MYT1L: variants seen among roughly 807,000 people sequenced by gnomAD.
MYT1L encodes myelin transcription factor 1-like protein.
MYT1L carries 12 observed loss-of-function variants against 126.7 expected under a neutral mutation model. The observed-to-expected ratio is 0.09, with a 90% CI of 0.06 to 0.15. MYT1L has a LOEUF of 0.15. Among genes scored for constraint, MYT1L ranks in the 10% least tolerant of loss-of-function variants. The pLI is 1.00. For missense variants in MYT1L, 979 were observed against 1,585.2 expected (o/e 0.62, Z 6.49); for synonymous variants, 541 against 604.2 (o/e 0.90, Z 1.53).
intron 3 of MYT1L, among the ~76,000 whole-genome samples, chr2:2,060,281 T>C (rs1003661647): frequency 7.9e-5 from 12 of 152,188 alleles, no homozygotes; most frequent in African/African-American, 2.9e-4. Flanking sequence ...ACAAACTCAG[T>C]TGTAGATCAA....
At chr2:2,242,789 A>G (rs2094463544) in intron 2 of MYT1L, among the ~76,000 whole-genome samples, 1 of 152,224 alleles carries the variant, frequency 6.6e-6, no homozygotes, top group Non-Finnish European at 1.5e-5. Context: ...GAAGTCGAAT[A>G]TGGCTAAGGA....
intron 3 of MYT1L, among the ~76,000 whole-genome samples, chr2:2,103,727 T>C (rs1433421391): frequency 6.6e-6 from 1 of 152,210 alleles, no homozygotes; most frequent in Non-Finnish European, 1.5e-5. Flanking sequence ...CTTTTCTCAC[T>C]TATGCCCTGG....
intron 18 of MYT1L, among the ~76,000 whole-genome samples, chr2:1,859,922 C>G (rs2044368919): frequency 6.6e-6 from 1 of 152,330 alleles, no homozygotes; most frequent in African/African-American, 2.4e-5. Context: ...GGCTTGTTTT[C>G]TGGGGATTCT....
At chr2:1,843,385 A>G (rs1217130196) in intron 19 of MYT1L, among the ~76,000 whole-genome samples, 1 of 152,194 alleles carries the variant, frequency 6.6e-6, no homozygotes, top group Non-Finnish European at 1.5e-5. Flanking sequence ...AAGAGGAACC[A>G]AGGGGGGAAT....
Position 1,923,077 on chromosome 2 carries a change from T to C in MYT1L, c.692A>G (p.Asn231Ser), listed in dbSNP as rs762676036. 4 of 1,614,046 alleles carry C rather than the reference T, an allele frequency of 2.5e-6. No individual in the cohort carries two copies. The highest frequency in any genetic ancestry group is 2.2e-5 in the East Asian group (1 of 44,882). ...TESEMNSNTS[N>S]SLEDDSDKNE... is the part of the protein sequence containing the mutation. ...TTTGTCACTATCGTCTTCCAGACTA[T>C]TGGAGGTATTGCTGTTCATTTCTGA... The change falls in exon 10 of 25, where the codon AAT becomes AGT. Residue 231 changes from asparagine to serine, a missense_variant. Asn to Ser is a conservative substitution (Grantham distance 46). This residue lies in a region of MYT1L where 243 missense variants were observed against 363.9 expected (regional missense o/e 0.67). Transcript: ENST00000647738.
intron 1 of MYT1L, among the ~76,000 whole-genome samples, chr2:2,301,152 G>T (rs1165362843): frequency 3.9e-5 from 6 of 152,090 alleles, no homozygotes; most frequent in Admixed American, 1.3e-4. Context: ...TTCGCTCCGT[G>T]CCAGCCTTGC....
chr2:1,977,611 T>C (rs2060284798), intron 8 of MYT1L, among the ~76,000 whole-genome samples: 1 of 152,210 alleles, frequency 6.6e-6, no homozygotes, highest in Admixed American at 6.5e-5. Context: ...TTATTTCACA[T>C]TGTATGCCTG....
chr2:2,048,284 GA>G (rs1363945552), intron 4 of MYT1L, among the ~76,000 whole-genome samples: 1 of 152,204 alleles, frequency 6.6e-6, no homozygotes, highest in African/African-American at 2.4e-5. Context: ...GATGAGGTCA[GA>G]AACTGATACC....
intron 4 of MYT1L, among the ~76,000 whole-genome samples, chr2:2,009,027 G>A (rs1178069185): frequency 1.3e-5 from 2 of 151,804 alleles, no homozygotes; most frequent in Non-Finnish European, 2.9e-5. Context: ...TCTTTGTTCT[G>A]TTCCACGGGT....
At chr2:2,130,310 T>C (rs2082213133) in intron 3 of MYT1L, among the ~76,000 whole-genome samples, 3 of 149,942 alleles carry the variant, frequency 2.0e-5, no homozygotes, top group Admixed American at 1.3e-4. Context: ...ACTCCAAAGA[T>C]TGATCACATC....
At chr2:2,220,289 T>TA (rs2093819360) in intron 2 of MYT1L, among the ~76,000 whole-genome samples, 1 of 152,104 alleles carries the variant, frequency 6.6e-6, no homozygotes, top group South Asian at 2.1e-4. Flanking sequence ...AAAACATTGA[T>TA]ATGGTTCAGA....
chr2:2,017,583 C>T (rs560505694), intron 4 of MYT1L, among the ~76,000 whole-genome samples: 3 of 152,348 alleles, frequency 2.0e-5, no homozygotes, highest in Admixed American at 1.3e-4. Context: ...ATAGACACAA[C>T]TCTTTCATCC....
intron 9 of MYT1L, among the ~76,000 whole-genome samples, chr2:1,935,599 C>T (rs1014295743): frequency 4.6e-5 from 7 of 152,192 alleles, no homozygotes; most frequent in East Asian, 1.9e-4. Context: ...AATAAGACAG[C>T]GAAGTGAAGG....
chr2:2,282,193 G>A (rs573152391), intron 2 of MYT1L, among the ~76,000 whole-genome samples: 1 of 152,308 alleles, frequency 6.6e-6, no homozygotes, highest in African/African-American at 2.4e-5. Flanking sequence ...TCTGGATCAT[G>A]TTCTATCATT....
chr2:1,910,359 G>A lies in MYT1L; in HGVS notation c.1710-12C>T, dbSNP rs778169204. ...GGCATCCGGAGAGGCTGCAATCACA[G>A]AAAGCGGGTTGAATGGTCCCGCCTC... is the stretch of plus-strand genomic sequence containing the variant. On this transcript the variant is annotated splice_polypyrimidine_tract_variant and intron_variant, in intron 12 of 24. Coordinates refer to ENST00000647738, the MANE Select transcript of MYT1L (RefSeq NM_001303052.2). This position sits in a 1 kb window ranked among gnomAD's most constrained non-coding sequence, Gnocchi z 4.8. 5.6e-6 allele frequency: 9 copies of A among 1,608,466 alleles called. No individual in the cohort carries two copies. The East Asian group carries it at 2.0e-4, about 36-fold the overall frequency.
At chr2:2,259,607 A>G (rs2094909968) in intron 2 of MYT1L, among the ~76,000 whole-genome samples, 1 of 152,202 alleles carries the variant, frequency 6.6e-6, no homozygotes. Flanking sequence ...TGACCTGAAA[A>G]TCTCCAAATC....
intron 2 of MYT1L, among the ~76,000 whole-genome samples, chr2:2,176,743 C>A (rs1367365729): frequency 6.6e-6 from 1 of 152,116 alleles, no homozygotes; most frequent in Non-Finnish European, 1.5e-5. Context: ...AAGTGATCTG[C>A]CTGCCTCGGC....
chr2:2,043,919 A>G (rs1452361294), intron 4 of MYT1L, among the ~76,000 whole-genome samples: 7 of 152,246 alleles, frequency 4.6e-5, no homozygotes, highest in Non-Finnish European at 1.5e-5. Context: ...TGGATTAGAG[A>G]GAAGACACGA....
At chr2:2,129,769 G>T (rs1015838137) in intron 3 of MYT1L, among the ~76,000 whole-genome samples, 1 of 152,082 alleles carries the variant, frequency 6.6e-6, no homozygotes, top group Non-Finnish European at 1.5e-5. Context: ...AGCCAGGTGT[G>T]GTGGCGGGCG....
Sources: gnomAD v4.1 joint callset for allele counts (sites outside exome capture counted in the v4.1 genomes callset) on GRCh38, gnomAD v4.1.1 for gene constraint, gnomAD v4.1.1 regional missense constraint, Gnocchi (gnomAD v3.1) non-coding constraint, MANE v1.5 for transcripts, NCBI Gene and HGNC (gene_info 2026-07-23, HGNC 2026-07-21) for gene names.